AFG2A: variants seen among roughly 807,000 people sequenced by gnomAD.
The protein encoded by AFG2A is ATPase family gene 2 protein homolog A.
chr4:123,069,173 A>T, the AFG2A span, among the ~76,000 whole-genome samples: 1 of 152,182 alleles, frequency 6.6e-6, no homozygotes, highest in African/African-American at 2.4e-5. Flanking sequence ...AGTGATGAGC[A>T]TTATCCATTT....
At chr4:123,053,942 A>T in the AFG2A span, among the ~76,000 whole-genome samples, 2 of 152,066 alleles carry the variant, frequency 1.3e-5, no homozygotes, top group African/African-American at 4.8e-5. Context: ...GATTTGTGTG[A>T]ATCTCCCCCT....
At chr4:123,180,882 G>A in the AFG2A span, among the ~76,000 whole-genome samples, 29 of 151,656 alleles carry the variant, frequency 1.9e-4, no homozygotes, top group Middle Eastern at 3.4e-3. Flanking sequence ...CTCTGTAAAG[G>A]TCTGGGTAGT....
chr4:123,302,894 G>C, the AFG2A span, among the ~76,000 whole-genome samples: 2,476 of 152,272 alleles, frequency 0.016, 49 homozygotes, highest in South Asian at 0.096. Flanking sequence ...AGATGAGCCA[G>C]TGCTTTTGCA....
At chr4:123,214,396 C>T in the AFG2A span, among the ~76,000 whole-genome samples, 5 of 152,002 alleles carry the variant, frequency 3.3e-5, no homozygotes, top group African/African-American at 7.2e-5. Flanking sequence ...GATGACAGAT[C>T]TCATATCAGA....
At chr4:123,121,450 C>T in the AFG2A span, among the ~76,000 whole-genome samples, 5 of 152,138 alleles carry the variant, frequency 3.3e-5, no homozygotes, top group African/African-American at 1.2e-4. Context: ...CTGACTCACC[C>T]AGAGCAACTT....
chr4:123,082,469 G>A, the AFG2A span, among the ~76,000 whole-genome samples: 23 of 150,256 alleles, frequency 1.5e-4, no homozygotes, highest in Middle Eastern at 3.4e-3. Context: ...TAGGCTCTCT[G>A]TTCTGTTCTG....
chr4:122,959,550 G>A, the AFG2A span, among the ~76,000 whole-genome samples: 2 of 152,226 alleles, frequency 1.3e-5, no homozygotes, highest in African/African-American at 2.4e-5. Context: ...CTGCCGCATA[G>A]TGAAGGAAGC....
the AFG2A span, among the ~76,000 whole-genome samples, chr4:123,299,051 G>A: frequency 7.8e-4 from 119 of 151,844 alleles, no homozygotes; most frequent in East Asian, 0.021. Context: ...ATGGCAACAT[G>A]TACATCACAT....
the AFG2A span, among the ~76,000 whole-genome samples, chr4:123,221,016 C>A: frequency 6.6e-6 from 1 of 152,188 alleles, no homozygotes; most frequent in African/African-American, 2.4e-5. Flanking sequence ...TGGGAAATTT[C>A]TTTAGTGATT....
the AFG2A span, among the ~76,000 whole-genome samples, chr4:122,931,910 G>A: frequency 6.6e-6 from 1 of 152,158 alleles, no homozygotes; most frequent in Non-Finnish European, 1.5e-5. Flanking sequence ...TTGGGAGTTG[G>A]TAAATTTGCA....
chr4:123,001,178 A>G, the AFG2A span, among the ~76,000 whole-genome samples: 8 of 148,898 alleles, frequency 5.4e-5, no homozygotes, highest in Non-Finnish European at 9.0e-5. Flanking sequence ...TATTGCGTTT[A>G]TTTGATTCTT....
At chr4:123,093,614 C>T in the AFG2A span, among the ~76,000 whole-genome samples, 1 of 152,138 alleles carries the variant, frequency 6.6e-6, no homozygotes, top group African/African-American at 2.4e-5. Flanking sequence ...CCTTATTCCC[C>T]CCTCAGAGAT....
the AFG2A span, chr4:122,923,137 G>A: frequency 1.9e-6 from 3 of 1,614,186 alleles, no homozygotes; most frequent in Non-Finnish European, 2.5e-6. Flanking sequence ...AGGGTACCTT[G>A]TGACCATGTC....
the AFG2A span, among the ~76,000 whole-genome samples, chr4:123,118,127 A>G: frequency 6.6e-6 from 1 of 151,294 alleles, no homozygotes; most frequent in Admixed American, 6.6e-5. Flanking sequence ...TATGTATATA[A>G]TTCAGAGATC....
the AFG2A span, among the ~76,000 whole-genome samples, chr4:123,050,410 A>G: frequency 6.6e-6 from 1 of 152,150 alleles, no homozygotes; most frequent in Non-Finnish European, 1.5e-5. Context: ...GTCCCCTGCA[A>G]TTATTTTATT....
chr4:123,214,837 C>T, the AFG2A span, among the ~76,000 whole-genome samples: 1 of 151,786 alleles, frequency 6.6e-6, no homozygotes, highest in South Asian at 2.1e-4. Context: ...CTCTAGCTCA[C>T]TTTATTATAA....
the AFG2A span, among the ~76,000 whole-genome samples, chr4:123,290,550 G>A: frequency 6.6e-6 from 1 of 152,104 alleles, no homozygotes; most frequent in East Asian, 1.9e-4. Context: ...ACCCAAGACT[G>A]GGCAATTTAC....
At chr4:123,165,566 A>G in the AFG2A span, among the ~76,000 whole-genome samples, 2 of 152,032 alleles carry the variant, frequency 1.3e-5, no homozygotes, top group African/African-American at 4.8e-5. Context: ...CTTGTATGTG[A>G]TTTATTTATT....
the AFG2A span, among the ~76,000 whole-genome samples, chr4:123,106,470 T>C: frequency 1.3e-5 from 2 of 152,158 alleles, no homozygotes; most frequent in East Asian, 1.9e-4. Context: ...AGTAAAGAGA[T>C]TGAATTTTAC....
Sources: gnomAD v4.1 joint callset for allele counts (sites outside exome capture counted in the v4.1 genomes callset) on GRCh38, gnomAD v4.1.1 for gene constraint, MANE v1.5 for transcripts, NCBI Gene and HGNC (gene_info 2026-07-23, HGNC 2026-07-21) for gene names.